Variants in ZC3H12B observed in about 807,000 individuals in gnomAD.
The protein encoded by ZC3H12B is zinc finger CCCH-type containing 12B.
ZC3H12B carries 7 observed loss-of-function variants against 43.9 expected under a neutral mutation model. The ratio of observed to expected loss-of-function variants is 0.16; its 90% CI spans 0.09 to 0.30. ZC3H12B has a LOEUF of 0.30. Ranked by LOEUF, ZC3H12B falls within the 10% of genes least tolerant of loss-of-function variation. ZC3H12B has a pLI of 1.00. For missense variants in ZC3H12B, 475 were observed against 670.2 expected (o/e 0.71, Z 3.22); for synonymous variants, 222 against 241.7 (o/e 0.92, Z 0.76).
the ZC3H12B span, among the ~76,000 whole-genome samples, chrX:65,118,508 A>G: frequency 1.8e-5 from 2 of 111,271 alleles, no homozygotes; most frequent in African/African-American, 6.5e-5. Flanking sequence ...TCATCTGCAA[A>G]CAGGGACAAT....
chrX:65,052,768 C>A, the ZC3H12B span, among the ~76,000 whole-genome samples: 5 of 111,652 alleles, frequency 4.5e-5, no homozygotes, highest in Admixed American at 4.8e-4. Flanking sequence ...CTTTGACATA[C>A]CGATTTCATT....
At chrX:65,136,734 C>T in the ZC3H12B span, among the ~76,000 whole-genome samples, 1 of 111,550 alleles carries the variant, frequency 9.0e-6, no homozygotes, top group South Asian at 3.7e-4. Flanking sequence ...TGTGTTGTCT[C>T]TCAACTCGTG....
the ZC3H12B span, among the ~76,000 whole-genome samples, chrX:65,154,845 A>C: frequency 8.9e-6 from 1 of 112,221 alleles, no homozygotes; most frequent in African/African-American, 3.2e-5. Flanking sequence ...CCTGTCTAAT[A>C]AATTAATTAA....
At chrX:65,438,817 A>C (rs773115938) in intron 3 of ZC3H12B, among the ~76,000 whole-genome samples, 1 of 113,146 alleles carries the variant, frequency 8.8e-6, no homozygotes, top group African/African-American at 3.2e-5. Flanking sequence ...CATCCCCATA[A>C]ACCCACAACC....
intron 2 of ZC3H12B, among the ~76,000 whole-genome samples, chrX:65,371,474 G>T (rs372929951): frequency 9.0e-6 from 1 of 111,131 alleles, no homozygotes; most frequent in East Asian, 2.8e-4. Context: ...TTTTATCCAG[G>T]CTTAGAATAA....
the ZC3H12B span, among the ~76,000 whole-genome samples, chrX:65,213,893 A>T: frequency 9.7e-6 from 1 of 103,161 alleles, no homozygotes; most frequent in Non-Finnish European, 1.9e-5. Flanking sequence ...AAAAAAATAT[A>T]TATATACATA....
At chrX:65,328,387 C>T in the ZC3H12B span, 4 of 233,689 alleles carry the variant, frequency 1.7e-5, no homozygotes, top group Admixed American at 4.9e-5. Context: ...ATGAAACCCA[C>T]ATTCTTCTTG....
chrX:65,323,095 G>A, the ZC3H12B span, among the ~76,000 whole-genome samples: 1 of 111,833 alleles, frequency 8.9e-6, no homozygotes, highest in Non-Finnish European at 1.9e-5. Flanking sequence ...TCAACAAACA[G>A]CAACTATTTA....
At chrX:65,048,050 T>C in the ZC3H12B span, among the ~76,000 whole-genome samples, 1 of 111,227 alleles carries the variant, frequency 9.0e-6, no homozygotes, top group Non-Finnish European at 1.9e-5. Context: ...TGATTAAAAC[T>C]CTATACTCAT....
the ZC3H12B span, among the ~76,000 whole-genome samples, chrX:65,097,831 GTTA>G: frequency 2.0e-4 from 22 of 111,719 alleles, no homozygotes; most frequent in African/African-American, 6.8e-4. Context: ...ATTTTGTATT[GTTA>G]TTAGCATCTT....
the ZC3H12B span, among the ~76,000 whole-genome samples, chrX:65,227,192 A>G: frequency 1.8e-5 from 2 of 111,968 alleles, no homozygotes; most frequent in African/African-American, 6.5e-5. Context: ...CTCTCAGACC[A>G]CAGTGCAATC....
the ZC3H12B span, among the ~76,000 whole-genome samples, chrX:65,168,072 G>A: frequency 5.4e-5 from 6 of 111,901 alleles, no homozygotes; most frequent in South Asian, 2.2e-3. Context: ...CCAACACTAT[G>A]TTGAATAGGA....
chrX:65,191,012 T>G, the ZC3H12B span, among the ~76,000 whole-genome samples: 2 of 86,034 alleles, frequency 2.3e-5, no homozygotes, highest in South Asian at 5.8e-4. Context: ...GCATGAAGGG[T>G]TGTTGAATTT....
chrX:65,308,970 C>G, the ZC3H12B span, among the ~76,000 whole-genome samples: 1 of 111,843 alleles, frequency 8.9e-6, no homozygotes, highest in African/African-American at 3.3e-5. Context: ...ACCAGAATCT[C>G]TGGGACACAT....
chrX:65,082,550 C>T, the ZC3H12B span, among the ~76,000 whole-genome samples: 1 of 110,903 alleles, frequency 9.0e-6, no homozygotes, highest in African/African-American at 3.3e-5. Flanking sequence ...ACAACTTATC[C>T]ACTTTGAACC....
At chrX:65,479,122 A>G (rs2068032013) in intron 3 of ZC3H12B, among the ~76,000 whole-genome samples, 1 of 111,602 alleles carries the variant, frequency 9.0e-6, no homozygotes, top group African/African-American at 3.3e-5. Context: ...GTCAGATAAT[A>G]ATAATTCTAT....
chrX:65,379,952 C>G (rs2066412169), intron 2 of ZC3H12B, among the ~76,000 whole-genome samples: 1 of 111,814 alleles, frequency 8.9e-6, no homozygotes, highest in South Asian at 3.8e-4. Flanking sequence ...AAATATGGGA[C>G]TATGTGAAAA....
chrX:65,219,953 G>A, the ZC3H12B span, among the ~76,000 whole-genome samples: 5 of 110,525 alleles, frequency 4.5e-5, no homozygotes, highest in South Asian at 3.8e-4. Context: ...CAGTTGTGAG[G>A]CAAATGTGTC....
the ZC3H12B span, among the ~76,000 whole-genome samples, chrX:65,203,626 C>T: frequency 9.1e-6 from 1 of 109,648 alleles, no homozygotes; most frequent in African/African-American, 3.3e-5. Context: ...GTCCTCTTTA[C>T]TGTCCCTTCC....
Sources: gnomAD v4.1 joint callset for allele counts (sites outside exome capture counted in the v4.1 genomes callset) on GRCh38, gnomAD v4.1.1 for gene constraint, MANE v1.5 for transcripts, NCBI Gene and HGNC (gene_info 2026-07-23, HGNC 2026-07-21) for gene names.